SCHIP1: variants seen among roughly 807,000 people sequenced by gnomAD.
The protein encoded by SCHIP1 is schwannomin interacting protein 1.
Under a neutral mutation model 29.7 loss-of-function variants are expected in SCHIP1, and 8 were observed. The ratio of observed to expected loss-of-function variants is 0.27; its 90% confidence interval spans 0.16 to 0.49. The LOEUF (loss-of-function observed/expected upper bound fraction) is 0.49, where lower values mean the gene tolerates loss of function less well. SCHIP1 is among the 20% of genes least tolerant of loss of function. The pLI is 0.99. For missense variants in SCHIP1, 193 were observed against 294.6 expected (o/e 0.66, Z 2.52); for synonymous variants, 76 against 94.9 (o/e 0.80, Z 1.16).
At chr3:159,395,632 G>C in the SCHIP1 span, among the ~76,000 whole-genome samples, 3 of 152,186 alleles carry the variant, frequency 2.0e-5, no homozygotes, top group African/African-American at 7.2e-5. Flanking sequence ...GAGTGGTTTT[G>C]AGTGAGATTC....
chr3:159,589,653 G>T, the SCHIP1 span, among the ~76,000 whole-genome samples: 1 of 152,236 alleles, frequency 6.6e-6, no homozygotes, highest in African/African-American at 2.4e-5. Context: ...TGTACTAAGC[G>T]TTCTGTTAAC....
At chr3:159,816,156 C>A in the SCHIP1 span, among the ~76,000 whole-genome samples, 1 of 152,086 alleles carries the variant, frequency 6.6e-6, no homozygotes, top group Admixed American at 6.6e-5. Flanking sequence ...ATCATGTCGG[C>A]CAGGCTGGTC....
the SCHIP1 span, among the ~76,000 whole-genome samples, chr3:159,455,430 A>G: frequency 1.3e-5 from 2 of 152,246 alleles, no homozygotes; most frequent in African/African-American, 2.4e-5. Flanking sequence ...AATATGCAGC[A>G]TTGCACTTTA....
the SCHIP1 span, among the ~76,000 whole-genome samples, chr3:159,805,452 C>T: frequency 6.6e-6 from 1 of 152,164 alleles, no homozygotes; most frequent in Non-Finnish European, 1.5e-5. Context: ...AAATTAAAAC[C>T]TTTAGAAGTA....
At chr3:159,651,657 A>G in the SCHIP1 span, among the ~76,000 whole-genome samples, 2 of 152,250 alleles carry the variant, frequency 1.3e-5, no homozygotes, top group East Asian at 3.8e-4. Context: ...GGCAAATTGT[A>G]TAATTATGAA....
the SCHIP1 span, among the ~76,000 whole-genome samples, chr3:159,451,499 T>A: frequency 6.6e-6 from 1 of 152,250 alleles, no homozygotes; most frequent in Admixed American, 6.5e-5. Context: ...TAGAAAAACA[T>A]GAACTATGCT....
At chr3:159,838,755 A>G (rs1245381196), upstream of SCHIP1, among the ~76,000 whole-genome samples, 313 of 151,988 alleles carry the variant, frequency 2.1e-3, 4 homozygotes, top group Non-Finnish European at 2.2e-4. Context: ...TTAGCCGGGC[A>G]TGGTGGTGGG....
chr3:159,516,385 G>A, the SCHIP1 span, among the ~76,000 whole-genome samples: 2 of 152,106 alleles, frequency 1.3e-5, no homozygotes, highest in Non-Finnish European at 2.9e-5. Context: ...ATACCTCAGT[G>A]TACTTTGACT....
the SCHIP1 span, among the ~76,000 whole-genome samples, chr3:159,492,044 C>T: frequency 2.6e-5 from 4 of 152,204 alleles, no homozygotes; most frequent in South Asian, 4.1e-4. Context: ...AAGGTCCTGA[C>T]TGTTAGAAGG....
the SCHIP1 span, among the ~76,000 whole-genome samples, chr3:159,769,170 A>G: frequency 7.3e-5 from 11 of 151,358 alleles, no homozygotes; most frequent in Non-Finnish European, 1.3e-4. Context: ...CTCTTATGAG[A>G]GCGGGCCACA....
chr3:159,500,047 T>G, the SCHIP1 span, among the ~76,000 whole-genome samples: 1 of 152,132 alleles, frequency 6.6e-6, no homozygotes, highest in African/African-American at 2.4e-5. Context: ...CTCAAATAGT[T>G]AATGGAAGAG....
At chr3:159,807,232 T>A in the SCHIP1 span, among the ~76,000 whole-genome samples, 2 of 152,196 alleles carry the variant, frequency 1.3e-5, no homozygotes, top group African/African-American at 4.8e-5. Context: ...TCTATCATAG[T>A]CCACCCATTT....
chr3:159,507,003 C>G, the SCHIP1 span, among the ~76,000 whole-genome samples: 10 of 152,092 alleles, frequency 6.6e-5, no homozygotes, highest in Admixed American at 6.6e-4. Context: ...ATTCTGTGAA[C>G]AAAGTCATTG....
the SCHIP1 span, among the ~76,000 whole-genome samples, chr3:159,298,436 T>C: frequency 6.6e-6 from 1 of 152,210 alleles, no homozygotes; most frequent in Non-Finnish European, 1.5e-5. Flanking sequence ...CCAGGATCTT[T>C]GTAGTACTAC....
At chr3:159,403,829 C>T in the SCHIP1 span, among the ~76,000 whole-genome samples, 1 of 152,174 alleles carries the variant, frequency 6.6e-6, no homozygotes, top group African/African-American at 2.4e-5. Flanking sequence ...CCACCCCTCT[C>T]TCAACCCTAG....
the SCHIP1 span, among the ~76,000 whole-genome samples, chr3:159,453,494 T>C: frequency 6.6e-6 from 1 of 152,162 alleles, no homozygotes; most frequent in Non-Finnish European, 1.5e-5. Flanking sequence ...TCCAGGCCTT[T>C]CTTATTGCTG....
At chr3:159,718,992 C>T in the SCHIP1 span, among the ~76,000 whole-genome samples, 1 of 151,988 alleles carries the variant, frequency 6.6e-6, no homozygotes, top group Non-Finnish European at 1.5e-5. Flanking sequence ...ATACTACAAG[C>T]CTACAGTAAC....
the SCHIP1 span, among the ~76,000 whole-genome samples, chr3:159,740,588 A>T: frequency 6.6e-6 from 1 of 152,008 alleles, no homozygotes; most frequent in East Asian, 1.9e-4. Flanking sequence ...TTTAATTTAA[A>T]TCCATCACAC....
At chr3:159,728,695 G>A in the SCHIP1 span, among the ~76,000 whole-genome samples, 1 of 152,202 alleles carries the variant, frequency 6.6e-6, no homozygotes, top group East Asian at 1.9e-4. Flanking sequence ...ACTTGCAGTA[G>A]TAGCAGCAGG....
Sources: allele counts gnomAD v4.1 joint callset (sites outside exome capture counted in the v4.1 genomes callset), GRCh38; gene constraint gnomAD v4.1.1; transcripts MANE v1.5; gene names NCBI Gene and HGNC (gene_info 2026-07-23, HGNC 2026-07-21).